The following CDSN variants were observed in gnomAD, a reference collection of about 807,000 sequenced individuals.
The protein encoded by CDSN is S protein.
Under a neutral mutation model 25.6 loss-of-function variants are expected in CDSN, and 11 were observed. The ratio of observed to expected loss-of-function variants is 0.43; its 90% CI spans 0.27 to 0.71. The LOEUF (loss-of-function observed/expected upper bound fraction) is 0.71, where lower values mean the gene tolerates loss of function less well. CDSN is among the 30% of genes least tolerant of loss of function. The probability of loss-of-function intolerance (pLI) is 0.20; values close to 1 mark genes in which losing one functional copy is unlikely to be tolerated. For missense variants in CDSN, 598 were observed against 670.9 expected (o/e 0.89, Z 1.20); for synonymous variants, 266 against 267.4 (o/e 0.99, Z 0.05).
intron 1 of CDSN, chr6:31,118,487 C>T (rs1772284160): frequency 6.6e-6 from 1 of 152,478 alleles, no homozygotes; most frequent in Admixed American, 6.5e-5. Context: ...CCACAATCAG[C>T]TTCCCTCTCT....
intron 1 of CDSN, 45 bp downstream of exon 1, chr6:31,120,290 C>G: frequency 2.1e-6 from 3 of 1,446,772 alleles, no homozygotes; most frequent in Non-Finnish European, 2.9e-6. Flanking sequence ...CTCCCGGAGT[C>G]TCCCTCCCGC....
At position 31,119,673 on chromosome 6, in the gene CDSN, C is replaced by T. The variant is rs767117115; in HGVS notation, c.85+662G>A. Among the ~76,000 whole-genome samples, 8 of 152,174 alleles carry T rather than the reference C, an allele frequency of 5.3e-5. No homozygotes were observed. The East Asian group carries it at 7.7e-4, about 15-fold the overall frequency. Reference sequence around the variant, plus strand: ...CAGCACCTTGGGAGGCTGAGGCGAGCGGATCACTTGAGTCAGGAGTTCAAG... The same window carrying T: ...CAGCACCTTGGGAGGCTGAGGCGAGTGGATCACTTGAGTCAGGAGTTCAAG... On this transcript the variant is annotated intron_variant, in intron 1 of 1. Coordinates refer to ENST00000376288, the MANE Select transcript of CDSN (RefSeq NM_001264.5).
Position 31,116,960 on chromosome 6 carries a change from T to C in CDSN, c.655A>G (p.Ser219Gly), listed in dbSNP as rs1309715912. The C allele has an allele frequency of 1.9e-6, 3 of 1,614,186 alleles. No homozygotes were observed. Among genetic ancestry groups the C allele is most frequent in the South Asian group, 1.1e-5 (1 of 91,092 alleles). ...CAGGGAGAGTCGGGGATGTCCGAAC[T>C]ACAGGGACGCTGGTTGGAGCTGACG... ...QSVSSNQRPC[S>G]SDIPDSPCSG... Residue 219 changes from serine to glycine, a missense_variant, in exon 2 of 2, where the codon AGT (serine) becomes GGT (glycine). Coordinates refer to ENST00000376288, the MANE Select transcript of CDSN (RefSeq NM_001264.5).
Position 31,117,141 on chromosome 6 carries a change from G to T in CDSN, c.474C>A (p.Ser158Arg). Residue 158 changes from serine to arginine, a missense_variant, in exon 2 of 2, where the codon AGC (serine) becomes AGA (arginine). Transcript: ENST00000376288. ...SGSSSSHSSS[S>R]SSFQFSSSSF... is the part of the protein sequence containing the mutation. ...TGCTGCTGCTGAACTGAAAGCTGCT[G>T]CTGCTGCTCGAATGAGAGCTGCTGC... 6.2e-7 allele frequency: 1 copy of T among 1,610,328 alleles called. No homozygotes were observed. The highest frequency in any genetic ancestry group is 1.4e-5 in the African/African-American group (1 of 73,888).
chr6:31,116,632 T>G lies in CDSN; in HGVS notation c.983A>C (p.Asn328Thr), dbSNP rs776906131. ...IYPVGYFTKE[N>T]PVKGSPGVPS... ...GACCCCTGGAGAGCCTTTCACAGGG[T>G]TCTCTTTGGTGAAGTAGCCCACAGG... Residue 328 changes from asparagine (N) to threonine (T), a missense_variant, in exon 2 of 2, where the codon AAC (asparagine) becomes ACC (threonine). By Grantham distance (65) the Asn-to-Thr change is moderately conservative. Coordinates refer to ENST00000376288, the MANE Select transcript of CDSN (RefSeq NM_001264.5). The G allele has an allele frequency of 1.8e-5, 29 of 1,612,864 alleles. No individual in the cohort carries two copies. Among genetic ancestry groups the G allele is most frequent in the Non-Finnish European group, 2.3e-5 (27 of 1,179,986 alleles).
Position 31,117,494 on chromosome 6 carries a change from G to A in CDSN, c.121C>T (p.Pro41Ser). Reference sequence around the variant, plus strand: ...GTGATACGCGTGGGGTCCTTACAAGGGTCTGAGAAGGTGCCAATGCTCTTA... The same window carrying A: ...GTGATACGCGTGGGGTCCTTACAAGAGTCTGAGAAGGTGCCAATGCTCTTA... ...LAKSIGTFSD[P>S]CKDPTRITSP... Residue 41 changes from proline to serine, a missense_variant, in exon 2 of 2, where the codon CCT (proline) becomes TCT (serine). By Grantham distance (74) the Pro-to-Ser change is moderately conservative. Coordinates refer to ENST00000376288, the MANE Select transcript of CDSN (RefSeq NM_001264.5). The A allele has an allele frequency of 6.4e-7, 1 of 1,551,240 alleles. No individual in the cohort carries two copies.
chr6:31,117,225 A>G lies in CDSN; in HGVS notation c.390T>C (p.Gly130=). 2 of 1,613,652 alleles carry G rather than the reference A, an allele frequency of 1.2e-6. No individual in the cohort carries two copies. Among genetic ancestry groups the G allele is most frequent in the South Asian group, 2.2e-5 (2 of 91,064 alleles). The part of the protein sequence containing the change: ...GSGSSLQGAS[G]SSQLGSSSSH... Reference sequence around the variant, plus strand: ...AGCTGCTGCTCCCCAGCTGGGAGGAACCGGATGCACCTTGTAGACTAGAGC... The same window carrying G: ...AGCTGCTGCTCCCCAGCTGGGAGGAGCCGGATGCACCTTGTAGACTAGAGC... The change falls in exon 2 of 2, where the codon GGT becomes GGC. Residue 130 remains glycine, a synonymous_variant. Coordinates refer to ENST00000376288, the MANE Select transcript of CDSN (RefSeq NM_001264.5).
chr6:31,118,837 C>CTTTTTTTTTTTTTTTTTTTTTTTTT lies in CDSN; in HGVS notation c.86-1309_86-1308insAAAAAAAAAAAAAAAAAAAAAAAAA, dbSNP rs201665595. On this transcript the variant is annotated intron_variant, in intron 1 of 1. Coordinates refer to ENST00000376288, the MANE Select transcript of CDSN (RefSeq NM_001264.5). The stretch of plus-strand genomic sequence containing the variant: ...ATCATCCACCTGGAAGTTTTTTCTT[C>CTTTTTTTTTTTTTTTTTTTTTTTTT]TTCTTCTTTTTTTTTTTTTTTTTTG... 7.6e-5 allele frequency: 7 copies of CTTTTTTTTTTTTTTTTTTTTTTTTT among 92,456 alleles called. 2 individuals carry two copies. 5.7% of individuals were successfully genotyped at this position (92,456 alleles called of 1,614,324 possible). A position where few individuals can be genotyped will look rare whatever the true frequency, so the allele number is the denominator to read the frequency against.
intron 1 of CDSN, chr6:31,118,843 C>CTTCTTT (rs750733706): frequency 5.8e-5 from 7 of 120,760 alleles, no homozygotes; most frequent in African/African-American, 2.2e-4. Context: ...TCTTCTTCTT[C>CTTCTTT]TTTTTTTTTT....
intron 1 of CDSN, among the ~76,000 whole-genome samples, chr6:31,120,035 C>G (rs896951770): frequency 1.3e-5 from 2 of 152,070 alleles, no homozygotes; most frequent in African/African-American, 4.8e-5. Context: ...TGTAGTGCTC[C>G]CATAATAAAA....
rs1581832206 is a variant in CDSN, at chr6:31,115,236, G to A, written c.*789C>T. 4.0e-6 allele frequency: 1 copy of A among 251,348 alleles called. No homozygotes were observed. Among genetic ancestry groups the A allele is most frequent in the East Asian group, 1.1e-4 (1 of 8,922 alleles). The allele number at this position is 251,348 out of a possible 1,614,324, so 15.6% of individuals were successfully genotyped here. On this transcript the variant is annotated 3_prime_UTR_variant, in exon 2 of 2. Transcript: ENST00000376288. The surrounding 1 kb of genome is among the most constrained non-coding windows in gnomAD (Gnocchi z 4.2). ...GAGCACCACCCAGACTCTCAGAGGAGACCCAGGACTCCAAGAAGGCAAAAA... is the reference window on the plus strand; with the variant it reads ...GAGCACCACCCAGACTCTCAGAGGAAACCCAGGACTCCAAGAAGGCAAAAA...
intron 1 of CDSN, chr6:31,118,035 G>A (rs1772263606): frequency 6.2e-6 from 1 of 161,972 alleles, no homozygotes; most frequent in Non-Finnish European, 1.4e-5. Context: ...GAGAATTGGG[G>A]AAACTGAGGC....
chr6:31,117,609 G>T (rs576964985), intron 1 of CDSN, 80 bp from the exon 2 acceptor site: 2 of 1,219,912 alleles, frequency 1.6e-6, no homozygotes, highest in South Asian at 2.6e-5. Flanking sequence ...CTCAGTCATC[G>T]GCCTCTCGGG....
Position 31,119,552 on chromosome 6 carries a change from C to T in CDSN, c.85+783G>A, listed in dbSNP as rs545370983. 2.4e-4 allele frequency among the ~76,000 whole-genome samples: 36 copies of T among 152,306 alleles called. No individual in the cohort carries two copies. In the South Asian group the frequency reaches 5.6e-3, roughly 24 times the overall value. On this transcript the variant is annotated intron_variant, in intron 1 of 1. Coordinates refer to ENST00000376288, the MANE Select transcript of CDSN (RefSeq NM_001264.5). ...CTTCTCTGAGCCTCAGTGTCCTCAT[C>T]TGTAGAGTGGAAATAGCAAATCTCC...
rs1772137693 is a variant in CDSN, at chr6:31,116,542, G to C, written c.1073C>G (p.Pro358Arg). ...GKYFSSNPII[P>R]SQSAASSAIA... ...GGCCGAGGAAGCTGCCGACTGGCTGGGGATGATGGGGTTGCTGGAGAAGTA... is the reference window on the plus strand; with the variant it reads ...GGCCGAGGAAGCTGCCGACTGGCTGCGGATGATGGGGTTGCTGGAGAAGTA... The change falls in exon 2 of 2, where the codon CCC (proline) becomes CGC (arginine). Residue 358 changes from proline (P) to arginine (R), a missense_variant. Coordinates refer to ENST00000376288, the MANE Select transcript of CDSN (RefSeq NM_001264.5). The C allele has an allele frequency of 2.5e-6, 4 of 1,613,792 alleles. No individual in the cohort carries two copies. Among genetic ancestry groups the C allele is most frequent in the African/African-American group, 1.3e-5 (1 of 74,934 alleles).
Position 31,116,360 on chromosome 6 carries a change from A to G in CDSN, c.1255T>C (p.Ser419Pro). 1 of 1,611,512 alleles carries G rather than the reference A, an allele frequency of 6.2e-7. No homozygotes were observed. Among genetic ancestry groups the G allele is most frequent in the Non-Finnish European group, 8.5e-7 (1 of 1,178,662 alleles). ...CCTGGTGGGGAGCAGGGGCTCTGGGAAGCACTGCCGCAGGGATGGTAGGGT... is the reference window on the plus strand; with the variant it reads ...CCTGGTGGGGAGCAGGGGCTCTGGGGAGCACTGCCGCAGGGATGGTAGGGT... ...GLPYHPCGSA[S>P]QSPCSPPGTG... The change falls in exon 2 of 2, where the codon TCC becomes CCC. Residue 419 changes from serine to proline, a missense_variant. Ser to Pro is a moderately conservative substitution (Grantham distance 74). Coordinates refer to ENST00000376288, the MANE Select transcript of CDSN (RefSeq NM_001264.5).
rs751526416 is a variant in CDSN, at chr6:31,116,521, G to A, written c.1094C>T (p.Ser365Leu). 5.6e-6 allele frequency: 9 copies of A among 1,613,104 alleles called. No individual in the cohort carries two copies. The highest frequency in any genetic ancestry group is 5.3e-5 in the African/African-American group (4 of 74,908). Reference sequence around the variant, plus strand: ...CCCCACTGGCTGGAATGCAATGGCCGAGGAAGCTGCCGACTGGCTGGGGAT... The same window carrying A: ...CCCCACTGGCTGGAATGCAATGGCCAAGGAAGCTGCCGACTGGCTGGGGAT... ...PIIPSQSAAS[S>L]AIAFQPVGTG... is the part of the protein sequence containing the mutation. Residue 365 changes from serine to leucine, a missense_variant, in exon 2 of 2, where the codon TCG becomes TTG. Physicochemically the swap from Ser to Leu is moderately radical, Grantham distance 145. Coordinates refer to ENST00000376288, the MANE Select transcript of CDSN (RefSeq NM_001264.5).
chr6:31,116,135 T>C lies in CDSN; in HGVS notation c.1480A>G (p.Ile494Val). 1 of 1,610,878 alleles carries C rather than the reference T, an allele frequency of 6.2e-7. No homozygotes were observed. Among genetic ancestry groups the C allele is most frequent in the Non-Finnish European group, 8.5e-7 (1 of 1,178,278 alleles). ...ATATCCCGGATGGAGCGGCAGGGGA[T>C]CTTTCCAGCACTGCTGGAGCCACAG... The part of the protein sequence containing the change: ...KPCGSSSAGK[I>V]PCRSIRDILA... The change falls in exon 2 of 2, where the codon ATC (isoleucine) becomes GTC (valine). Residue 494 changes from isoleucine (I) to valine (V), a missense_variant. Ile to Val is a conservative substitution (Grantham distance 29). Coordinates refer to ENST00000376288, the MANE Select transcript of CDSN (RefSeq NM_001264.5).
Position 31,120,425 on chromosome 6 carries a change from A to G in CDSN, c.-6T>C, listed in dbSNP as rs2302399. The G allele has an allele frequency of 0.34, 528,467 of 1,571,202 alleles. 92,770 individuals are homozygous for G. The highest frequency in any genetic ancestry group is 0.57 in the African/African-American group (41,998 of 73,758). On this transcript the variant is annotated 5_prime_UTR_variant, in exon 1 of 2. Coordinates refer to ENST00000376288, the MANE Select transcript of CDSN (RefSeq NM_001264.5). ...GGTGCCCGAGACGAGCCCATCTCGG[A>G]CTGCACGGCCTCCTGACTGATGGCA...
Sources: allele counts gnomAD v4.1 joint callset (sites outside exome capture counted in the v4.1 genomes callset), GRCh38; gene constraint gnomAD v4.1.1; non-coding constraint Gnocchi (gnomAD v3.1); transcripts MANE v1.5; gene names NCBI Gene and HGNC (gene_info 2026-07-23, HGNC 2026-07-21).